Variants in DCX observed in about 807,000 individuals in gnomAD.
DCX encodes neuronal migration protein doublecortin.
In DCX, 4 loss-of-function variants were observed where a neutral mutation model predicts 20.9. That is an observed-to-expected ratio of 0.19 (90% CI 0.09 to 0.44). The LOEUF is 0.44. DCX is among the 20% of genes least tolerant of loss of function. The probability of loss-of-function intolerance (pLI) is 0.99; values close to 1 mark genes in which losing one functional copy is unlikely to be tolerated. For missense variants in DCX, 133 were observed against 296.9 expected, an observed-to-expected ratio of 0.45 and a Z score of 4.06; for synonymous variants, 103 against 111.4, an observed-to-expected ratio of 0.92 and a Z score of 0.47.
intron 3 of DCX, among the ~76,000 whole-genome samples, chrX:111,385,718 C>G (rs767741560): frequency 1.3e-4 from 11 of 82,007 alleles, no homozygotes; most frequent in East Asian, 4.1e-4. Flanking sequence ...AGCAAGAAAG[C>G]AAGGAAGGAA....
rs1255909737 is a variant in DCX, at chrX:111,410,479, G to A, written c.-22-59C>T. On this transcript the variant is annotated intron_variant, in intron 1 of 6. Transcript: ENST00000636035. ...AGGCAAAAACAAAAAGGGACAAGGAGAAGGAAAAAAGAAGGGATTTTAAAT... is the reference window on the plus strand; with the variant it reads ...AGGCAAAAACAAAAAGGGACAAGGAAAAGGAAAAAAGAAGGGATTTTAAAT... 5.1e-6 allele frequency: 6 copies of A among 1,178,736 alleles called. No individual in the cohort carries two copies. In the South Asian group the frequency reaches 1.1e-4, roughly 21 times the overall value.
intron 3 of DCX, among the ~76,000 whole-genome samples, chrX:111,349,132 G>T (rs181392515): frequency 9.0e-6 from 1 of 111,643 alleles, no homozygotes; most frequent in East Asian, 2.8e-4. Context: ...GTTTAGGGGG[G>T]TTAAGGATTC....
chrX:111,333,291 T>C lies in DCX; in HGVS notation c.706-138A>G, dbSNP rs1921430388. 1.7e-5 allele frequency: 9 copies of C among 515,682 alleles called. No individual in the cohort carries two copies. In the Admixed American group the frequency reaches 2.5e-4, roughly 14 times the overall value. The allele number at this position is 515,682 out of a possible 1,213,427, so 42.5% of individuals were successfully genotyped here. The stretch of plus-strand genomic sequence containing the variant: ...GGAGTTTTCTCTTTCTTAAAACACC[T>C]ACCACATTCATAGTCTGAATCATGA... On this transcript the variant is annotated intron_variant, in intron 3 of 6. Coordinates refer to ENST00000636035, the MANE Select transcript of DCX (RefSeq NM_001195553.2).
intron 1 of DCX, 76 bp from the exon 2 acceptor site, chrX:111,410,496 A>G: frequency 1.7e-6 from 2 of 1,144,253 alleles, no homozygotes; most frequent in African/African-American, 3.5e-5. Flanking sequence ...AAAAGAAGGG[A>G]TTTTAAATAT....
chrX:111,314,848 G>C (rs976040555), intron 5 of DCX, among the ~76,000 whole-genome samples: 3 of 111,621 alleles, frequency 2.7e-5, no homozygotes, highest in African/African-American at 9.8e-5. Context: ...CAATAATCTA[G>C]GCATTGAAGG....
rs1264728274 is a variant in DCX at position 111,408,613 on chromosome X, AAGAAAGAAAGAAAGAAAAG to A, written c.364+1403_364+1421del. 1.0e-4 allele frequency among the ~76,000 whole-genome samples: 10 copies of A among 98,686 alleles called. No individual in the cohort carries two copies. In the South Asian group the frequency reaches 2.7e-3, roughly 26 times the overall value. The allele number at this position is 98,686 out of a possible 115,157, so 85.7% of individuals were successfully genotyped here. A position where few individuals can be genotyped will look rare whatever the true frequency, so the allele number is the denominator to read the frequency against. On this transcript the variant is annotated intron_variant, in intron 2 of 6. Coordinates refer to ENST00000636035, the MANE Select transcript of DCX (RefSeq NM_001195553.2). ...CGAAACTCTGTGAAAGAAAGAAAGGAAGAAAGAAAGAAAGAAAAGAGAAAGAAAGAAAGAAAGAAAGAAA... is the reference window on the plus strand; with the variant it reads ...CGAAACTCTGTGAAAGAAAGAAAGGAAGAAAGAAAGAAAGAAAGAAAGAAA...
At chrX:111,357,813 T>C (rs1923866276) in intron 3 of DCX, among the ~76,000 whole-genome samples, 1 of 110,342 alleles carries the variant, frequency 9.1e-6, no homozygotes, top group Non-Finnish European at 1.9e-5. Flanking sequence ...AAAAAGGAGC[T>C]GAAGCTCTTT....
intron 2 of DCX, among the ~76,000 whole-genome samples, chrX:111,408,974 G>T (rs1437928364): frequency 2.7e-5 from 3 of 111,506 alleles, no homozygotes; most frequent in African/African-American, 9.8e-5. Context: ...TTACTCTAGA[G>T]ATCTGCCTGC....
intron 6 of DCX, among the ~76,000 whole-genome samples, chrX:111,311,146 ATAAC>A (rs1417158672): frequency 8.9e-6 from 1 of 112,550 alleles, no homozygotes; most frequent in Non-Finnish European, 1.9e-5. Flanking sequence ...TCAGCAAAGA[ATAAC>A]TAAAAGCCAA....
chrX:111,309,435 C>G (rs1051066207), intron 6 of DCX, among the ~76,000 whole-genome samples: 1 of 112,130 alleles, frequency 8.9e-6, no homozygotes, highest in Non-Finnish European at 1.9e-5. Flanking sequence ...TGCTAAGGTT[C>G]AGGTAGCTGT....
At chrX:111,384,551 C>T (rs1926228585) in intron 3 of DCX, among the ~76,000 whole-genome samples, 1 of 111,303 alleles carries the variant, frequency 9.0e-6, no homozygotes, top group Non-Finnish European at 1.9e-5. Context: ...ATTTTCTGGT[C>T]CCTATAGAGT....
At chrX:111,338,767 A>T (rs777386109) in intron 3 of DCX, among the ~76,000 whole-genome samples, 24 of 108,914 alleles carry the variant, frequency 2.2e-4, no homozygotes, top group Non-Finnish European at 4.0e-4. Flanking sequence ...CTGAAATAAT[A>T]ACAATGGCAC....
chrX:111,340,367 C>G (rs1922113838), intron 3 of DCX, among the ~76,000 whole-genome samples: 1 of 112,264 alleles, frequency 8.9e-6, no homozygotes, highest in Non-Finnish European at 1.9e-5. Context: ...GGGCAGAACT[C>G]TGATCTCCGT....
intron 3 of DCX, among the ~76,000 whole-genome samples, chrX:111,363,155 A>G (rs1315758317): frequency 1.8e-5 from 2 of 111,174 alleles, no homozygotes; most frequent in Non-Finnish European, 1.9e-5. Flanking sequence ...CACCTTGTTA[A>G]TGGGCAGGAA....
At position 111,335,667 on chromosome X, in the gene DCX, G is replaced by A. The variant is rs377357061; in HGVS notation, c.706-2514C>T. 4.4e-5 allele frequency among the ~76,000 whole-genome samples: 5 copies of A among 112,529 alleles called. No homozygotes were observed. The East Asian group carries it at 8.4e-4, about 19-fold the overall frequency. On this transcript the variant is annotated intron_variant, in intron 3 of 6. Transcript: ENST00000636035. ...GGATGATTTTTAAAGAAAAGTCTAG[G>A]CCAGGTGCAGTGACTTACGCCTGTA...
intron 5 of DCX, among the ~76,000 whole-genome samples, chrX:111,328,589 C>T (rs371956098): frequency 9.0e-6 from 1 of 111,726 alleles, no homozygotes. Context: ...ACAAATTCTT[C>T]AACACTCTTT....
chrX:111,335,729 C>T (rs188931477), intron 3 of DCX, among the ~76,000 whole-genome samples: 69 of 111,925 alleles, frequency 6.2e-4, no homozygotes, highest in African/African-American at 2.1e-3. Context: ...AGGTGGATCA[C>T]GATGTCAGGA....
intron 3 of DCX, among the ~76,000 whole-genome samples, chrX:111,382,193 G>T (rs1254585303): frequency 9.0e-6 from 1 of 111,680 alleles, no homozygotes; most frequent in Admixed American, 9.5e-5. Flanking sequence ...GCCTTCTTTG[G>T]TCTTCTGGCC....
chrX:111,331,125 C>T, intron 4 of DCX, 84 bp from the exon 5 acceptor site: 1 of 1,099,556 alleles, frequency 9.1e-7, no homozygotes, highest in Non-Finnish European at 1.3e-6. Flanking sequence ...CAATAACCAT[C>T]ACAGGCCAAA....
Sources: gnomAD v4.1 joint callset for allele counts (sites outside exome capture counted in the v4.1 genomes callset) on GRCh38, gnomAD v4.1.1 for gene constraint, MANE v1.5 for transcripts, NCBI Gene and HGNC (gene_info 2026-07-23, HGNC 2026-07-21) for gene names.